Variants in SEC63 observed in about 807,000 individuals in gnomAD.
SEC63 encodes the protein SEC63 protein translocation regulator, also known as translocation protein SEC63 homolog.
SEC63 carries 56 observed loss-of-function variants against 116.2 expected under a neutral mutation model. The ratio of observed to expected loss-of-function variants is 0.48; its 90% CI spans 0.39 to 0.60. The LOEUF (loss-of-function observed/expected upper bound fraction) is 0.60, where lower values mean the gene tolerates loss of function less well. SEC63 is among the 20% of genes least tolerant of loss of function. The probability of loss-of-function intolerance (pLI) is 0.00; values close to 1 mark genes in which losing one functional copy is unlikely to be tolerated. For synonymous variants in SEC63, 273 were observed against 294.6 expected, an observed-to-expected ratio of 0.93 and a Z score of 0.75; for missense variants, 668 against 900.0, an observed-to-expected ratio of 0.74 and a Z score of 3.30.
chr6:107,903,577 C>T (rs1055355549), intron 11 of SEC63, among the ~76,000 whole-genome samples: 1 of 152,140 alleles, frequency 6.6e-6, no homozygotes, highest in African/African-American at 2.4e-5. Context: ...CTGTGGTATG[C>T]ACCTGTAGTT....
chr6:107,891,145 T>A (rs902549755), intron 16 of SEC63, among the ~76,000 whole-genome samples: 1 of 152,192 alleles, frequency 6.6e-6, no homozygotes, highest in Non-Finnish European at 1.5e-5. Flanking sequence ...TCCTGGATAA[T>A]GTCCTGAAGA....
chr6:107,943,620 T>G (rs1302044103), intron 1 of SEC63, among the ~76,000 whole-genome samples: 1 of 152,096 alleles, frequency 6.6e-6, no homozygotes, highest in African/African-American at 2.4e-5. Flanking sequence ...CACTACAATT[T>G]AAAATAGGAA....
At chr6:107,892,213 TG>T in intron 16 of SEC63, among the ~76,000 whole-genome samples, 1 of 152,274 alleles carries the variant, frequency 6.6e-6, no homozygotes, top group East Asian at 1.9e-4. Context: ...ATTCCCTGAC[TG>T]GGGCTGCTGC....
intron 1 of SEC63, among the ~76,000 whole-genome samples, chr6:107,934,699 G>A (rs1490401843): frequency 7.9e-4 from 30 of 38,146 alleles, no homozygotes; most frequent in African/African-American, 2.9e-3. Context: ...CCGGCCAGCC[G>A]CCCCGTCCGG....
At chr6:107,884,698 C>T (rs1786489021) in intron 16 of SEC63, among the ~76,000 whole-genome samples, 1 of 151,944 alleles carries the variant, frequency 6.6e-6, no homozygotes, top group African/African-American at 2.4e-5. Flanking sequence ...ATTAATAATG[C>T]CAGCATAAAT....
chr6:107,874,286 C>T (rs1786199931), intron 19 of SEC63, among the ~76,000 whole-genome samples: 1 of 152,008 alleles, frequency 6.6e-6, no homozygotes, highest in Non-Finnish European at 1.5e-5. Flanking sequence ...ATGTCAGCGG[C>T]ATGCAAAGAT....
At chr6:107,943,403 AT>A (rs1770417538) in intron 1 of SEC63, among the ~76,000 whole-genome samples, 1 of 152,226 alleles carries the variant, frequency 6.6e-6, no homozygotes, top group African/African-American at 2.4e-5. Context: ...CATTTTATGC[AT>A]TTATAACATA....
intron 17 of SEC63, among the ~76,000 whole-genome samples, chr6:107,882,213 C>G (rs1786428948): frequency 6.6e-6 from 1 of 151,858 alleles, no homozygotes; most frequent in Admixed American, 6.6e-5. Flanking sequence ...TTTTTTTGGC[C>G]TCTCCTTTTG....
At position 107,876,558 on chromosome 6, in the gene SEC63, A is replaced by T; in HGVS notation, c.2034+6T>A. On this transcript the variant is annotated splice_donor_region_variant and intron_variant, in intron 19 of 20. Transcript: ENST00000369002. Reference sequence around the variant, plus strand: ...AAACACTGAAATCATGTTGCTTGATAGTTACCTCCTCTGTATCTTTCAGCG... The same window carrying T: ...AAACACTGAAATCATGTTGCTTGATTGTTACCTCCTCTGTATCTTTCAGCG... The T allele has an allele frequency of 1.3e-6, 2 of 1,530,908 alleles. No individual in the cohort carries two copies. The highest frequency in any genetic ancestry group is 1.8e-6 in the Non-Finnish European group (2 of 1,107,556). 94.8% of individuals were successfully genotyped at this position (1,530,908 alleles called of 1,614,324 possible).
At chr6:107,947,613 C>A (rs1770502996) in intron 1 of SEC63, among the ~76,000 whole-genome samples, 1 of 152,132 alleles carries the variant, frequency 6.6e-6, no homozygotes, top group Non-Finnish European at 1.5e-5. Flanking sequence ...GCACTTAAAT[C>A]CCCAAACTGA....
At chr6:107,874,401 T>C (rs879347171) in intron 19 of SEC63, among the ~76,000 whole-genome samples, 1 of 151,994 alleles carries the variant, frequency 6.6e-6, no homozygotes, top group African/African-American at 2.4e-5. Context: ...GAGACCATCA[T>C]GGCTAACACA....
intron 4 of SEC63, among the ~76,000 whole-genome samples, chr6:107,920,227 T>C (rs144240269): frequency 0.012 from 1,877 of 151,942 alleles, 33 homozygotes; most frequent in African/African-American, 0.044. Context: ...ATCGAGACCA[T>C]CCTGGCTAAC....
intron 19 of SEC63, among the ~76,000 whole-genome samples, chr6:107,875,593 C>T (rs1372762253): frequency 6.6e-6 from 1 of 151,984 alleles, no homozygotes; most frequent in Non-Finnish European, 1.5e-5. Flanking sequence ...TATGTAGTCC[C>T]AGCTATTTGG....
At chr6:107,953,849 G>A (rs7775582) in intron 1 of SEC63, among the ~76,000 whole-genome samples, 1 of 124,378 alleles carries the variant, frequency 8.0e-6, no homozygotes, top group Admixed American at 7.8e-5. Flanking sequence ...AGGTGGGGGG[G>A]TCAGCCCCCC....
Position 107,869,499 on chromosome 6 carries a change from G to T in SEC63, c.*2205C>A, listed in dbSNP as rs775935619. On this transcript the variant is annotated 3_prime_UTR_variant, in exon 21 of 21. Transcript: ENST00000369002. ...TCAGTTTCTTTATAGGAAGAAAATT[G>T]AAACTTTGCTCAAGTTTCCATTAGA... 19 of 152,124 alleles carry T rather than the reference G, an allele frequency of 1.2e-4. No individual in the cohort carries two copies. The highest frequency in any genetic ancestry group is 2.6e-4 in the Non-Finnish European group (18 of 68,020). 9.4% of individuals were successfully genotyped at this position (152,124 alleles called of 1,614,324 possible). A position where few individuals can be genotyped will look rare whatever the true frequency, so the allele number is the denominator to read the frequency against.
In SEC63 at chr6:107,890,589, G is replaced by A. The variant is rs528803555; in HGVS notation, c.1674+2893C>T. 2.8e-4 allele frequency among the ~76,000 whole-genome samples: 43 copies of A among 152,258 alleles called. 1 individual carries two copies. Among genetic ancestry groups the A allele is most frequent in the East Asian group, 3.9e-4 (2 of 5,192 alleles). On this transcript the variant is annotated intron_variant, in intron 16 of 20. Coordinates refer to ENST00000369002, the MANE Select transcript of SEC63 (RefSeq NM_007214.5). ...TTACATTTAAGGTTAATACTGTTAT[G>A]TGTGAATTTGATCCTGCCATTATGA...
chr6:107,946,420 T>C (rs1196414278), intron 1 of SEC63, among the ~76,000 whole-genome samples: 1 of 151,536 alleles, frequency 6.6e-6, no homozygotes, highest in Non-Finnish European at 1.5e-5. Flanking sequence ...GCCAGGCTGG[T>C]CTCAAACTCT....
intron 16 of SEC63, among the ~76,000 whole-genome samples, chr6:107,884,250 CAAAAA>C (rs35806948): frequency 5.4e-5 from 6 of 111,930 alleles, no homozygotes; most frequent in Non-Finnish European, 9.6e-5. Flanking sequence ...GACTCTGTCT[CAAAAA>C]AAAAAAAAAA....
intron 2 of SEC63, among the ~76,000 whole-genome samples, chr6:107,925,725 C>T (rs1295898197): frequency 6.6e-6 from 1 of 152,170 alleles, no homozygotes; most frequent in Non-Finnish European, 1.5e-5. Context: ...GAAATACATA[C>T]CGTTTTTCTA....
Sources: allele counts gnomAD v4.1 joint callset (sites outside exome capture counted in the v4.1 genomes callset), GRCh38; gene constraint gnomAD v4.1.1; transcripts MANE v1.5; gene names NCBI Gene and HGNC (gene_info 2026-07-23, HGNC 2026-07-21).